Variants in SCHIP1 observed in about 807,000 individuals in gnomAD.
The protein encoded by SCHIP1 is schwannomin interacting protein 1, also known as schwannomin-interacting protein 1.
A neutral mutation model predicts 29.7 loss-of-function variants in SCHIP1; 8 were observed. That is an observed-to-expected ratio of 0.27 (90% confidence interval 0.16 to 0.49). The LOEUF is 0.49. SCHIP1 is among the 20% of genes least tolerant of loss of function. SCHIP1 has a pLI of 0.99. For synonymous variants in SCHIP1, 76 were observed against 94.9 expected (o/e 0.80, Z 1.16); for missense variants, 193 against 294.6 (o/e 0.66, Z 2.52).
the SCHIP1 span, among the ~76,000 whole-genome samples, chr3:159,469,375 T>G: frequency 1.3e-5 from 2 of 152,144 alleles, no homozygotes; most frequent in Non-Finnish European, 2.9e-5. Context: ...TCATCCTAAT[T>G]TAAGCATAAT....
At chr3:159,316,106 C>T in the SCHIP1 span, among the ~76,000 whole-genome samples, 1 of 151,920 alleles carries the variant, frequency 6.6e-6, no homozygotes, top group East Asian at 1.9e-4. Flanking sequence ...AGATCAGGTA[C>T]CTAGATGGTA....
At chr3:159,444,619 A>G in the SCHIP1 span, among the ~76,000 whole-genome samples, 1 of 152,188 alleles carries the variant, frequency 6.6e-6, no homozygotes, top group Admixed American at 6.6e-5. Flanking sequence ...AGAACTTATA[A>G]TCTAATAACA....
the SCHIP1 span, among the ~76,000 whole-genome samples, chr3:159,382,739 C>A: frequency 3.3e-5 from 5 of 152,086 alleles, no homozygotes; most frequent in Non-Finnish European, 5.9e-5. Flanking sequence ...TAAAAGTGTT[C>A]CTATTTCTCC....
the SCHIP1 span, among the ~76,000 whole-genome samples, chr3:159,483,668 T>G: frequency 6.6e-6 from 1 of 152,338 alleles, no homozygotes; most frequent in Admixed American, 6.5e-5. Context: ...TAAGTGGAAA[T>G]GAAATTTGTG....
At chr3:159,509,076 T>C in the SCHIP1 span, among the ~76,000 whole-genome samples, 1 of 152,200 alleles carries the variant, frequency 6.6e-6, no homozygotes, top group Non-Finnish European at 1.5e-5. Context: ...GGTGTTAAAG[T>C]CTCCCATTAT....
chr3:159,346,874 G>A, the SCHIP1 span, among the ~76,000 whole-genome samples: 1 of 152,210 alleles, frequency 6.6e-6, no homozygotes, highest in East Asian at 1.9e-4. Flanking sequence ...AAAATCTGGG[G>A]GATATCAGTT....
the SCHIP1 span, among the ~76,000 whole-genome samples, chr3:159,300,939 C>A: frequency 6.6e-6 from 1 of 152,068 alleles, no homozygotes; most frequent in Non-Finnish European, 1.5e-5. Context: ...TTTTCTTAAC[C>A]TGCCTTATGT....
At chr3:159,538,509 T>G in the SCHIP1 span, among the ~76,000 whole-genome samples, 1 of 152,290 alleles carries the variant, frequency 6.6e-6, no homozygotes, top group Non-Finnish European at 1.5e-5. Flanking sequence ...CCATCTCCTC[T>G]TGTGTGACAG....
At chr3:159,758,052 G>A in the SCHIP1 span, among the ~76,000 whole-genome samples, 4 of 152,218 alleles carry the variant, frequency 2.6e-5, no homozygotes, top group Middle Eastern at 6.8e-3. Flanking sequence ...CCTGACCCTT[G>A]CAGTTGTCTA....
At chr3:159,351,061 G>T in the SCHIP1 span, among the ~76,000 whole-genome samples, 2 of 152,098 alleles carry the variant, frequency 1.3e-5, no homozygotes, top group African/African-American at 4.8e-5. Flanking sequence ...GGTAAGAAAA[G>T]CATCATGTCA....
At chr3:159,493,953 C>T in the SCHIP1 span, among the ~76,000 whole-genome samples, 1 of 151,974 alleles carries the variant, frequency 6.6e-6, no homozygotes, top group Non-Finnish European at 1.5e-5. Context: ...GAAACTCACT[C>T]AAAACCGCTC....
chr3:159,332,084 C>T, the SCHIP1 span, among the ~76,000 whole-genome samples: 1 of 152,174 alleles, frequency 6.6e-6, no homozygotes, highest in Non-Finnish European at 1.5e-5. Context: ...TTTGCTTGCT[C>T]ACATTTCTTA....
the SCHIP1 span, among the ~76,000 whole-genome samples, chr3:159,401,973 C>T: frequency 2.0e-5 from 3 of 151,920 alleles, no homozygotes; most frequent in Non-Finnish European, 2.9e-5. Context: ...CAAAAGAAAC[C>T]ACCATCAGAG....
At chr3:159,333,961 C>CA in the SCHIP1 span, among the ~76,000 whole-genome samples, 1 of 151,814 alleles carries the variant, frequency 6.6e-6, no homozygotes, top group African/African-American at 2.4e-5. Context: ...CCTGTTGAGC[C>CA]AAAAAAGATA....
chr3:159,575,281 AT>A, the SCHIP1 span, among the ~76,000 whole-genome samples: 1 of 152,150 alleles, frequency 6.6e-6, no homozygotes, highest in Non-Finnish European at 1.5e-5. Context: ...ATTTGTTATA[AT>A]TTTTATTAGA....
At chr3:159,761,993 G>C in the SCHIP1 span, among the ~76,000 whole-genome samples, 1 of 152,270 alleles carries the variant, frequency 6.6e-6, no homozygotes, top group African/African-American at 2.4e-5. Context: ...TCCTGCCACA[G>C]AGCAGGGAGC....
At chr3:159,633,611 G>A in the SCHIP1 span, among the ~76,000 whole-genome samples, 1 of 152,156 alleles carries the variant, frequency 6.6e-6, no homozygotes, top group Admixed American at 6.5e-5. Context: ...AGTTCCCTGG[G>A]AATTCAGAGG....
At chr3:159,301,923 G>T in the SCHIP1 span, among the ~76,000 whole-genome samples, 2 of 152,194 alleles carry the variant, frequency 1.3e-5, no homozygotes, top group Non-Finnish European at 2.9e-5. Flanking sequence ...TCTGGTGATG[G>T]TAAAGGGCAA....
chr3:159,370,500 A>G, the SCHIP1 span, among the ~76,000 whole-genome samples: 2 of 152,228 alleles, frequency 1.3e-5, no homozygotes, highest in Admixed American at 6.5e-5. Context: ...TAATGTGTCA[A>G]CTTGACTGAG....
Sources: gnomAD v4.1 joint callset for allele counts (sites outside exome capture counted in the v4.1 genomes callset) on GRCh38, gnomAD v4.1.1 for gene constraint, MANE v1.5 for transcripts, NCBI Gene and HGNC (gene_info 2026-07-23, HGNC 2026-07-21) for gene names.